The following TET2 variants were observed in gnomAD, a reference collection of about 807,000 sequenced individuals.
TET2 encodes methylcytosine dioxygenase TET2.
Under a neutral mutation model 142.9 loss-of-function variants are expected in TET2, and 299 were observed. The observed-to-expected ratio is 2.09, with a 90% CI of 1.90 to 2.30. TET2 has a LOEUF of 2.30. TET2 is among the 30% of genes most tolerant of loss of function. The pLI, the probability that TET2 is intolerant of heterozygous loss-of-function variation, is 0.00. For missense variants in TET2, 2,418 were observed against 2,378.0 expected (o/e 1.02, Z -0.35); for synonymous variants, 819 against 849.0 (o/e 0.96, Z 0.61).
At chr4:105,238,764 T>C (rs1260328423) in intron 3 of TET2, 1 of 239,834 alleles carries the variant, frequency 4.2e-6, no homozygotes, top group Non-Finnish European at 8.9e-6. Flanking sequence ...AATGTTGATA[T>C]ATTGACCCCC....
At chr4:105,264,157 G>GTCATAATGTCA (rs1402537666) in intron 8 of TET2, among the ~76,000 whole-genome samples, 4 of 146,278 alleles carry the variant, frequency 2.7e-5, no homozygotes, top group Non-Finnish European at 4.5e-5. Context: ...TGGTCTATTT[G>GTCATAATGTCA]TAAGTTATTT....
chr4:105,236,319 A>T lies in TET2; in HGVS notation c.2377A>T (p.Lys793Ter). 1 of 1,614,096 alleles carries T rather than the reference A, an allele frequency of 6.2e-7. No homozygotes were observed. The highest frequency in any genetic ancestry group is 8.5e-7 in the Non-Finnish European group (1 of 1,180,018). Reference protein sequence around the residue: ...ECFHGENQYSKSSEFETHNVQ... With the variant: ...ECFHGENQYS Reference sequence around the variant, plus strand: ...TTTTCATGGTGAAAATCAGTATTCAAAATCAAGCGAGTTCGAGACTCATAA... The same window carrying T: ...TTTTCATGGTGAAAATCAGTATTCATAATCAAGCGAGTTCGAGACTCATAA... Residue 793 changes from lysine (K) to a stop codon, truncating the protein, a stop_gained, in exon 3 of 11, where the codon AAA (lysine) becomes TAA (stop). Transcript: ENST00000380013. LOFTEE classifies it high-confidence loss of function.
chr4:105,224,684 G>GTCTCTCTCTCTCCC (rs1728066833), intron 2 of TET2, among the ~76,000 whole-genome samples: 2 of 108,106 alleles, frequency 1.9e-5, no homozygotes, highest in Non-Finnish European at 3.8e-5. Flanking sequence ...ATATCAGCCA[G>GTCTCTCTCTCTCCC]TCTCTCTCTC....
chr4:105,207,225 A>G (rs976167588), intron 2 of TET2, among the ~76,000 whole-genome samples: 1 of 152,194 alleles, frequency 6.6e-6, no homozygotes, highest in Non-Finnish European at 1.5e-5. Context: ...AAATTAAGAC[A>G]AAGATTTACT....
rs1286177642 is a variant in TET2, at chr4:105,236,471, G to T, written c.2529G>T (p.Glu843Asp). 1 of 1,614,034 alleles carries T rather than the reference G, an allele frequency of 6.2e-7. No homozygotes were observed. Among genetic ancestry groups the T allele is most frequent in the South Asian group, 1.1e-5 (1 of 91,072 alleles). ...SCSNNTHLVS[E>D]NKEQTTHPEL... ...CAAACAATACACACCTAGTTTCAGAGAATAAAGAACAGACTACACATCCTG... is the reference window on the plus strand; with the variant it reads ...CAAACAATACACACCTAGTTTCAGATAATAAAGAACAGACTACACATCCTG... Residue 843 changes from glutamate to aspartate, a missense_variant, in exon 3 of 11, where the codon GAG becomes GAT. Coordinates refer to ENST00000380013, the MANE Select transcript of TET2 (RefSeq NM_001127208.3).
intron 3 of TET2, chr4:105,239,322 G>A (rs935790324): frequency 2.9e-5 from 7 of 239,646 alleles, no homozygotes; most frequent in Non-Finnish European, 5.3e-5. Flanking sequence ...TTGAAGCAAG[G>A]CATTGACTTC....
chr4:105,273,003 C>A, intron 10 of TET2, 85 bp downstream of exon 10: 1 of 1,062,372 alleles, frequency 9.4e-7, no homozygotes, highest in Non-Finnish European at 1.3e-6. Flanking sequence ...CCCCCATCAA[C>A]TTGTAAGTTC....
intron 1 of TET2, among the ~76,000 whole-genome samples, chr4:105,161,042 G>A (rs1723830494): frequency 6.6e-6 from 1 of 152,150 alleles, no homozygotes; most frequent in South Asian, 2.1e-4. Flanking sequence ...CCAAAGTGCT[G>A]GGATTACAGG....
At chr4:105,247,473 A>AAAATTCTCTCCATTTAGAAGAT (rs1729634210) in intron 6 of TET2, among the ~76,000 whole-genome samples, 1 of 152,162 alleles carries the variant, frequency 6.6e-6, no homozygotes, top group African/African-American at 2.4e-5. Context: ...TTCCTCTCAT[A>AAAATTCTCTCCATTTAGAAGAT]AAATTCTCTC....
chr4:105,161,302 CTT>C (rs1263646224), intron 1 of TET2, among the ~76,000 whole-genome samples: 1 of 152,094 alleles, frequency 6.6e-6, no homozygotes, highest in African/African-American at 2.4e-5. Context: ...GATATTACTT[CTT>C]TAGTGTTTAT....
At chr4:105,146,257 A>C (rs971102197), upstream of TET2, 4 of 152,366 alleles carry the variant, frequency 2.6e-5, no homozygotes, top group Non-Finnish European at 4.4e-5. Flanking sequence ...AAAGTTTCAA[A>C]GGGAAATCTT....
chr4:105,175,481 A>C lies in TET2; in HGVS notation c.-192-14879A>C, dbSNP rs549952643. ...GTAGATTGAACATAGCCGAGGAAAA[A>C]ATCTTTGAAGTTAAGGATATGATAA... On this transcript the variant is annotated intron_variant, in intron 1 of 10. Transcript: ENST00000380013. 3.9e-5 allele frequency among the ~76,000 whole-genome samples: 6 copies of C among 152,288 alleles called. No individual in the cohort carries two copies. The East Asian group carries it at 1.2e-3, about 29-fold the overall frequency.
rs763187063 is a variant in TET2, at chr4:105,237,328, AT to A, written c.3389del (p.Phe1130SerfsTer7). 1 of 1,614,148 alleles carries A rather than the reference AT, an allele frequency of 6.2e-7. No homozygotes were observed. Among genetic ancestry groups the A allele is most frequent in the Non-Finnish European group, 8.5e-7 (1 of 1,179,992 alleles). Reference protein sequence around the residue: ...LLDTPVKTQYDFPSCRCVEQI... With the variant: ...LLDTPVKTQYXFPSCRCVEQI... ...GATACACCTGTCAAGACTCAATATG[AT>A]TTCCCATCTTGCAGATGTGTAGGTA... On this transcript the variant is annotated frameshift_variant, in exon 3 of 11. Coordinates refer to ENST00000380013, the MANE Select transcript of TET2 (RefSeq NM_001127208.3). LOFTEE classifies it high-confidence loss of function.
intron 4 of TET2, 130 bp downstream of exon 4, chr4:105,241,559 AG>A: frequency 6.9e-7 from 1 of 1,450,194 alleles, no homozygotes; most frequent in Non-Finnish European, 9.1e-7. Flanking sequence ...TAGCTATTCT[AG>A]GGTTGCCAAC....
intron 6 of TET2, among the ~76,000 whole-genome samples, chr4:105,256,440 G>A (rs1236702447): frequency 3.9e-5 from 6 of 151,966 alleles, no homozygotes. Context: ...ACTGCCTTCT[G>A]GTCTTCATTG....
chr4:105,237,417 A>G (rs2110238886), intron 3 of TET2, 66 bp downstream of exon 3: 2 of 1,613,968 alleles, frequency 1.2e-6, no homozygotes, highest in African/African-American at 1.3e-5. Context: ...ATCTTCAGAT[A>G]TGGGATTTTC....
chr4:105,252,418 A>G (rs186525920), intron 6 of TET2, among the ~76,000 whole-genome samples: 6 of 152,334 alleles, frequency 3.9e-5, no homozygotes, highest in Admixed American at 3.9e-4. Flanking sequence ...ATCCATTCAC[A>G]TAGTGAAAGA....
At chr4:105,265,480 A>C (rs1055657583) in intron 8 of TET2, among the ~76,000 whole-genome samples, 1 of 152,216 alleles carries the variant, frequency 6.6e-6, no homozygotes, top group African/African-American at 2.4e-5. Flanking sequence ...AGCTGATTGT[A>C]TATCTGTTTT....
chr4:105,221,295 A>G (rs915742703), intron 2 of TET2, among the ~76,000 whole-genome samples: 2 of 152,140 alleles, frequency 1.3e-5, no homozygotes, highest in Non-Finnish European at 2.9e-5. Context: ...TACCAATAAG[A>G]AACTGGTTGG....
Sources: allele counts gnomAD v4.1 joint callset (sites outside exome capture counted in the v4.1 genomes callset), GRCh38; gene constraint gnomAD v4.1.1; transcripts MANE v1.5; gene names NCBI Gene and HGNC (gene_info 2026-07-23, HGNC 2026-07-21).